Variants in ANAPC10 observed in about 807,000 individuals in gnomAD.
ANAPC10 encodes the protein anaphase promoting complex subunit 10, also known as anaphase-promoting complex subunit 10.
A neutral mutation model predicts 22.0 loss-of-function variants in ANAPC10; 12 were observed. The observed-to-expected ratio is 0.55, with a 90% confidence interval of 0.35 to 0.88. ANAPC10 has a LOEUF of 0.88. Among genes scored for constraint, ANAPC10 ranks in the 40% least tolerant of loss-of-function variants. ANAPC10 has a pLI of 0.01. For synonymous variants in ANAPC10, 65 were observed against 69.5 expected, an observed-to-expected ratio of 0.94 and a Z score of 0.32; for missense variants, 188 against 220.9, an observed-to-expected ratio of 0.85 and a Z score of 0.94.
intron 4 of ANAPC10, among the ~76,000 whole-genome samples, chr4:145,011,214 C>T (rs1578897370): frequency 6.6e-6 from 1 of 151,660 alleles, no homozygotes; most frequent in Non-Finnish European, 1.5e-5. Flanking sequence ...TGCCTGTAAT[C>T]CTAGTTACTC....
chr4:145,057,952 C>A (rs1482423489), intron 4 of ANAPC10, among the ~76,000 whole-genome samples: 1 of 152,076 alleles, frequency 6.6e-6, no homozygotes, highest in Middle Eastern at 3.2e-3. Flanking sequence ...GTAATTTTTA[C>A]CTGGCTAATA....
intron 4 of ANAPC10, among the ~76,000 whole-genome samples, chr4:145,011,558 C>CT (rs1734321636): frequency 6.6e-6 from 1 of 151,932 alleles, no homozygotes; most frequent in Admixed American, 6.6e-5. Flanking sequence ...GGTGAATGGT[C>CT]TTTCTGCACC....
intron 2 of ANAPC10, among the ~76,000 whole-genome samples, chr4:145,090,028 T>C (rs1747438838): frequency 6.6e-6 from 1 of 152,176 alleles, no homozygotes; most frequent in Admixed American, 6.5e-5. Context: ...GCCATTTCCC[T>C]ATTTCTAGTC....
intron 4 of ANAPC10, among the ~76,000 whole-genome samples, chr4:145,032,235 G>A (rs187112662): frequency 6.6e-6 from 1 of 152,336 alleles, no homozygotes; most frequent in African/African-American, 2.4e-5. Flanking sequence ...ATCCCTGAAG[G>A]ACAGCGGTGA....
intron 4 of ANAPC10, among the ~76,000 whole-genome samples, chr4:145,027,020 TTG>T (rs1736863299): frequency 1.3e-5 from 1 of 77,862 alleles, no homozygotes; most frequent in Non-Finnish European, 2.6e-5. Context: ...TTTTTTTTTT[TTG>T]AGACAGAGTC....
intron 4 of ANAPC10, among the ~76,000 whole-genome samples, chr4:145,038,072 C>T (rs570716458): frequency 2.0e-5 from 3 of 152,016 alleles, no homozygotes; most frequent in Admixed American, 6.6e-5. Flanking sequence ...TGGTGGTTCA[C>T]GCCTGTAATC....
chr4:145,005,408 C>G (rs1316702982), intron 4 of ANAPC10, among the ~76,000 whole-genome samples: 3 of 151,916 alleles, frequency 2.0e-5, no homozygotes, highest in African/African-American at 7.3e-5. Flanking sequence ...TTCAAATAAC[C>G]AGCTCCTAGA....
intron 4 of ANAPC10, among the ~76,000 whole-genome samples, chr4:145,045,940 T>C (rs866801149): frequency 2.6e-5 from 4 of 152,114 alleles, no homozygotes; most frequent in African/African-American, 9.6e-5. Context: ...ACTTAACATA[T>C]GTTCTAGCAA....
intron 4 of ANAPC10, among the ~76,000 whole-genome samples, chr4:145,017,651 C>T (rs1456273263): frequency 1.3e-5 from 2 of 152,092 alleles, no homozygotes; most frequent in Admixed American, 6.5e-5. Flanking sequence ...AATCATGCTG[C>T]TATAAAGACA....
chr4:145,037,045 T>C (rs1261139573), intron 4 of ANAPC10, among the ~76,000 whole-genome samples: 17 of 149,252 alleles, frequency 1.1e-4, no homozygotes, highest in African/African-American at 3.2e-4. Context: ...TGTGTATGTG[T>C]GTGCATGCAT....
chr4:145,001,724 TG>T (rs761631863), intron 4 of ANAPC10, among the ~76,000 whole-genome samples: 37 of 152,086 alleles, frequency 2.4e-4, no homozygotes, highest in Non-Finnish European at 5.0e-4. Flanking sequence ...AAACCTACAG[TG>T]GTGTAAACAG....
chr4:145,047,817 A>G (rs937510936), intron 4 of ANAPC10, among the ~76,000 whole-genome samples: 2 of 152,146 alleles, frequency 1.3e-5, no homozygotes, highest in Non-Finnish European at 2.9e-5. Context: ...CTCAACTTTT[A>G]CCCTTTTATT....
intron 4 of ANAPC10, among the ~76,000 whole-genome samples, chr4:145,016,610 GA>G (rs1295682103): frequency 6.6e-6 from 1 of 152,132 alleles, no homozygotes; most frequent in African/African-American, 2.4e-5. Flanking sequence ...CACAGAATTG[GA>G]AAAAACTACT....
At chr4:145,064,821 T>A in intron 3 of ANAPC10, 129 bp from the exon 4 acceptor site, 1 of 783,604 alleles carries the variant, frequency 1.3e-6, no homozygotes, top group African/African-American at 1.8e-5. Flanking sequence ...TCATATCTTT[T>A]AATTTCAACA....
rs200114650 is a variant in ANAPC10 at position 145,096,033 on chromosome 4, G to A, written c.67C>T (p.Arg23Trp). 5.6e-5 allele frequency: 91 copies of A among 1,614,078 alleles called. No individual in the cohort carries two copies. Among genetic ancestry groups the A allele is most frequent in the African/African-American group, 8.0e-5 (6 of 75,018 alleles). ...PKQLERTGTV[R>W]EIGSQAVWSL... ...CAAACAGCTTGTGACCCAATTTCCCGTACTGTTCCAGTCCTTTCCAACTGC... is the reference window on the plus strand; with the variant it reads ...CAAACAGCTTGTGACCCAATTTCCCATACTGTTCCAGTCCTTTCCAACTGC... The change falls in exon 2 of 5, where the codon CGG becomes TGG. Residue 23 changes from arginine (R) to tryptophan (W), a missense_variant. Physicochemically the swap from Arg to Trp is moderately radical, Grantham distance 101. Transcript: ENST00000507656.
intron 2 of ANAPC10, among the ~76,000 whole-genome samples, chr4:145,089,879 T>G (rs193088929): frequency 3.9e-4 from 60 of 152,266 alleles, no homozygotes; most frequent in African/African-American, 1.4e-3. Flanking sequence ...TCCACACTTC[T>G]CAAATATGAA....
intron 4 of ANAPC10, among the ~76,000 whole-genome samples, chr4:145,053,371 G>T (rs1741413879): frequency 1.3e-5 from 2 of 152,132 alleles, no homozygotes; most frequent in Admixed American, 1.3e-4. Flanking sequence ...TCTAAATCTA[G>T]ATCTTTTCTC....
In ANAPC10 at chr4:145,064,620, C is replaced by T. The variant is rs766028459; in HGVS notation, c.279G>A (p.Lys93=). ...AATTATTTCCTACTCTGACTGAGAT[C>T]TTGCTTGGAGTATAGCTTTCATCAG... is the stretch of plus-strand genomic sequence containing the variant. ...YKSDESYTPS[K]ISVRVGNNFH... The change falls in exon 4 of 5, where the codon AAG becomes AAA. Residue 93 remains lysine (K), a synonymous_variant. Transcript: ENST00000507656. The T allele has an allele frequency of 1.9e-6, 3 of 1,608,564 alleles. No individual in the cohort carries two copies. Among genetic ancestry groups the T allele is most frequent in the Non-Finnish European group, 2.5e-6 (3 of 1,177,048 alleles).
At chr4:145,009,916 C>A (rs1284259096) in intron 4 of ANAPC10, among the ~76,000 whole-genome samples, 3 of 152,190 alleles carry the variant, frequency 2.0e-5, no homozygotes, top group Non-Finnish European at 2.9e-5. Context: ...TTTTTGCAAT[C>A]TACCCATCTG....
Sources: allele counts gnomAD v4.1 joint callset (sites outside exome capture counted in the v4.1 genomes callset), GRCh38; gene constraint gnomAD v4.1.1; transcripts MANE v1.5; gene names NCBI Gene and HGNC (gene_info 2026-07-23, HGNC 2026-07-21).